The following MPPE1 variants were observed in gnomAD, a reference collection of about 807,000 sequenced individuals.
MPPE1 encodes the protein metallo phosphoesterase.
In MPPE1, 28 loss-of-function variants were observed where a neutral mutation model predicts 43.8. The observed-to-expected ratio is 0.64, with a 90% CI of 0.47 to 0.88. The LOEUF is 0.88. Ranked by LOEUF, MPPE1 falls within the 40% of genes least tolerant of loss-of-function variation. The pLI is 0.00. For synonymous variants in MPPE1, 159 were observed against 188.5 expected (o/e 0.84, Z 1.28); for missense variants, 428 against 492.2 (o/e 0.87, Z 1.23).
intron 4 of MPPE1, 58 bp downstream of exon 4, chr18:11,893,410 G>T: frequency 8.3e-7 from 1 of 1,206,388 alleles, no homozygotes; most frequent in Non-Finnish European, 1.2e-6. Context: ...TGGATTCTCT[G>T]GGATACTTGT....
chr18:11,886,295 G>T lies in MPPE1; in HGVS notation c.867+204C>A. 1.6e-6 allele frequency: 1 copy of T among 640,858 alleles called. No individual in the cohort carries two copies. The highest frequency in any genetic ancestry group is 2.7e-6 in the Non-Finnish European group (1 of 374,980). The allele number at this position is 640,858 out of a possible 1,614,324, so 39.7% of individuals were successfully genotyped here. Reference sequence around the variant, plus strand: ...GACTTGAGGGTAGGAAACAGAAGTAGGTTTACTGGAAAAAAAAAAAGCGAT... The same window carrying T: ...GACTTGAGGGTAGGAAACAGAAGTATGTTTACTGGAAAAAAAAAAAGCGAT... On this transcript the variant is annotated intron_variant, in intron 9 of 10. Coordinates refer to ENST00000588072, the MANE Select transcript of MPPE1 (RefSeq NM_023075.6). This position sits in a 1 kb window ranked among gnomAD's most constrained non-coding sequence, Gnocchi z 4.1.
chr18:11,899,764 C>T (rs913674130), intron 2 of MPPE1, among the ~76,000 whole-genome samples: 2 of 152,080 alleles, frequency 1.3e-5, no homozygotes, highest in Admixed American at 6.6e-5. Context: ...AAATAAAGTC[C>T]CTTTCTAGGA....
At chr18:11,907,616 C>T (rs1043077146) in intron 1 of MPPE1, among the ~76,000 whole-genome samples, 20 of 149,024 alleles carry the variant, frequency 1.3e-4, no homozygotes, top group Non-Finnish European at 2.5e-4. Context: ...CACAACTTCT[C>T]GAGTAGCAGG....
intron 3 of MPPE1, among the ~76,000 whole-genome samples, chr18:11,895,833 G>C (rs369316628): frequency 6.6e-6 from 1 of 151,830 alleles, no homozygotes; most frequent in East Asian, 1.9e-4. Context: ...TAAAGTGCTG[G>C]GATTACAGGC....
At chr18:11,885,454 G>A (rs2037063134) in intron 10 of MPPE1, 2 of 567,882 alleles carry the variant, frequency 3.5e-6, no homozygotes, top group Admixed American at 3.2e-5. Context: ...CCTGGACGGT[G>A]CCCTGCCCTC....
At chr18:11,888,523 G>A (rs2037599479) in intron 6 of MPPE1, 146 bp downstream of exon 6, 1 of 543,150 alleles carries the variant, frequency 1.8e-6, no homozygotes, top group Middle Eastern at 3.3e-4. Flanking sequence ...CACCAGCAAG[G>A]ACAGCCTAAG....
chr18:11,896,832 T>C lies in MPPE1; in HGVS notation c.281+152A>G, dbSNP rs936573092. On this transcript the variant is annotated intron_variant, in intron 3 of 10. Coordinates refer to ENST00000588072, the MANE Select transcript of MPPE1 (RefSeq NM_023075.6). ...CCCTGTATATATCCTCAGTAAATGG[T>C]AAATTCAAGGAAAAGTCAAATGTCC... The C allele has an allele frequency of 2.2e-5, 16 of 737,356 alleles. 1 individual carries two copies. In the East Asian group the frequency reaches 3.3e-4, roughly 15 times the overall value. The allele number at this position is 737,356 out of a possible 1,614,324, so 45.7% of individuals were successfully genotyped here. A position where few individuals can be genotyped will look rare whatever the true frequency, so the allele number is the denominator to read the frequency against.
At chr18:11,885,342 G>A (rs1319147449) in intron 10 of MPPE1, 1 of 300,754 alleles carries the variant, frequency 3.3e-6, no homozygotes, top group African/African-American at 2.2e-5. Context: ...AAGAGAAGAT[G>A]GCTGAGTATA....
intron 2 of MPPE1, chr18:11,905,185 T>C (rs112019546): frequency 0.034 from 5,139 of 152,236 alleles, 261 homozygotes; most frequent in African/African-American, 0.12. Flanking sequence ...TGCACACCTG[T>C]AATCCCAGCT....
rs1423825778 is a variant in MPPE1, at chr18:11,898,243, A to AT, written c.-92-888dup. Among the ~76,000 whole-genome samples the AT allele has an allele frequency of 5.2e-5, 7 of 133,420 alleles. No individual in the cohort carries two copies. In the East Asian group the frequency reaches 8.0e-4, roughly 15 times the overall value. The allele number at this position is 133,420 out of a possible 152,430, so 87.5% of individuals were successfully genotyped here. On this transcript the variant is annotated intron_variant, in intron 2 of 10. Transcript: ENST00000588072. The stretch of plus-strand genomic sequence containing the variant: ...GTCACCACGTCCAGCTAATTTTTGT[A>AT]TTTTTTTTAGCAGAGACGGTTTTTC...
chr18:11,888,703 T>C lies in MPPE1; in HGVS notation c.535A>G (p.Ser179Gly), dbSNP rs2144235578. ...YKVERFEKVF[S>G]SERLFSWKGI... ...TTCCAAGAAAACAGTCTTTCAGAGC[T>C]GAACACTTTCTCAAAGCGTTCTACT... Residue 179 changes from serine to glycine, a missense_variant, in exon 6 of 11, where the codon AGC (serine) becomes GGC (glycine). Physicochemically the swap from Ser to Gly is moderately conservative, Grantham distance 56 (BLOSUM62 0). Coordinates refer to ENST00000588072, the MANE Select transcript of MPPE1 (RefSeq NM_023075.6). The C allele has an allele frequency of 6.2e-7, 1 of 1,600,916 alleles. No homozygotes were observed. The highest frequency in any genetic ancestry group is 2.2e-5 in the East Asian group (1 of 44,670).
chr18:11,888,659 T>TTA lies in MPPE1; in HGVS notation c.569+9_569+10insTA. 2 of 1,563,452 alleles carry TTA rather than the reference T, an allele frequency of 1.3e-6. No individual in the cohort carries two copies. Among genetic ancestry groups the TTA allele is most frequent in the Non-Finnish European group, 1.7e-6 (2 of 1,146,682 alleles). On this transcript the variant is annotated intron_variant, in intron 6 of 10. Coordinates refer to ENST00000588072, the MANE Select transcript of MPPE1 (RefSeq NM_023075.6). ...TAAAGGTCTTGGAAGAATTTACAAA[T>TTA]AATACTCACTTAATGCCTTTCCAAG...
chr18:11,887,007 G>A lies in MPPE1; in HGVS notation c.588C>T (p.Ser196=), dbSNP rs772431604. 1.4e-5 allele frequency: 22 copies of A among 1,612,930 alleles called. No individual in the cohort carries two copies. Among genetic ancestry groups the A allele is most frequent in the Middle Eastern group, 1.7e-4 (1 of 6,056 alleles). The change falls in exon 7 of 11, where the codon AGC becomes AGT. Residue 196 remains serine (S), a synonymous_variant. Transcript: ENST00000588072. ...WKGINFVMVN[S]VALNGDGCGI... is the part of the protein sequence containing the mutation. ...CACAGCCATCCCCGTTCAGCGCCACGCTGTTGACCATCACAAAGCTGAAGC... is the reference window on the plus strand; with the variant it reads ...CACAGCCATCCCCGTTCAGCGCCACACTGTTGACCATCACAAAGCTGAAGC...
intron 1 of MPPE1, among the ~76,000 whole-genome samples, chr18:11,906,753 C>G (rs1192649487): frequency 6.6e-6 from 1 of 151,602 alleles, no homozygotes; most frequent in Non-Finnish European, 1.5e-5. Context: ...ACTCGGGAGG[C>G]TGAGGCAGGA....
At chr18:11,904,570 C>A (rs574654117) in intron 2 of MPPE1, among the ~76,000 whole-genome samples, 3 of 152,134 alleles carry the variant, frequency 2.0e-5, no homozygotes, top group African/African-American at 7.2e-5. Flanking sequence ...CCACTGGCCT[C>A]GGCCTCCCAA....
Position 11,894,010 on chromosome 18 carries a change from G to A in MPPE1, c.282-434C>T, listed in dbSNP as rs370645189. On this transcript the variant is annotated intron_variant, in intron 3 of 10. Transcript: ENST00000588072. ...CTTCAACTTCCTTCTTTGCTTCCAAGTTGGAGGGGAGATGACAAGAGAAAT... is the reference window on the plus strand; with the variant it reads ...CTTCAACTTCCTTCTTTGCTTCCAAATTGGAGGGGAGATGACAAGAGAAAT... Among the ~76,000 whole-genome samples, 5 of 152,190 alleles carry A rather than the reference G, an allele frequency of 3.3e-5. No individual in the cohort carries two copies. In the East Asian group the frequency reaches 9.6e-4, roughly 29 times the overall value.
At chr18:11,888,886 G>T in intron 5 of MPPE1, 143 bp from the exon 6 acceptor site, 1 of 516,560 alleles carries the variant, frequency 1.9e-6, no homozygotes, top group Non-Finnish European at 3.3e-6. Flanking sequence ...CCCCAGGATA[G>T]CAAAGCTCAA....
At position 11,886,034 on chromosome 18, in the gene MPPE1, A is replaced by G. The variant is rs2037184804; in HGVS notation, c.868-218T>C. 2.8e-6 allele frequency: 1 copy of G among 362,228 alleles called. No homozygotes were observed. The highest frequency in any genetic ancestry group is 2.1e-5 in the African/African-American group (1 of 47,864). 22.4% of individuals were successfully genotyped at this position (362,228 alleles called of 1,614,324 possible). A position where few individuals can be genotyped will look rare whatever the true frequency, so the allele number is the denominator to read the frequency against. On this transcript the variant is annotated intron_variant, in intron 9 of 10. Coordinates refer to ENST00000588072, the MANE Select transcript of MPPE1 (RefSeq NM_023075.6). The surrounding 1 kb of genome is among the most constrained non-coding windows in gnomAD (Gnocchi z 4.1). ...GCCCTTTGTTCTCATCCCAGATTTT[A>G]TATACTTTTTACGGTATTTTATCTT...
At chr18:11,890,708 C>G (rs946592193) in intron 4 of MPPE1, among the ~76,000 whole-genome samples, 2 of 152,206 alleles carry the variant, frequency 1.3e-5, no homozygotes, top group Non-Finnish European at 2.9e-5. Context: ...TCAAGATCCC[C>G]TGAAGACCAT....
Sources: gnomAD v4.1 joint callset for allele counts (sites outside exome capture counted in the v4.1 genomes callset) on GRCh38, gnomAD v4.1.1 for gene constraint, Gnocchi (gnomAD v3.1) non-coding constraint, MANE v1.5 for transcripts, NCBI Gene and HGNC (gene_info 2026-07-23, HGNC 2026-07-21) for gene names.